Variants in SNX25 observed in about 807,000 individuals in gnomAD.
SNX25 encodes sorting nexin-25.
Under a neutral mutation model 113.7 loss-of-function variants are expected in SNX25, and 62 were observed. The observed-to-expected ratio is 0.55, with a 90% CI of 0.44 to 0.67. The LOEUF is 0.67. SNX25 is among the 30% of genes least tolerant of loss of function. The probability of loss-of-function intolerance (pLI) is 0.00; values close to 1 mark genes in which losing one functional copy is unlikely to be tolerated. For synonymous variants in SNX25, 421 were observed against 436.2 expected (o/e 0.97, Z 0.43); for missense variants, 1,014 against 1,161.0 (o/e 0.87, Z 1.84).
At chr4:185,249,925 C>T (rs556825397) in intron 2 of SNX25, among the ~76,000 whole-genome samples, 20 of 152,124 alleles carry the variant, frequency 1.3e-4, no homozygotes, top group Non-Finnish European at 2.4e-4. Flanking sequence ...TTCCAACATC[C>T]GGGCTATCTT....
intron 5 of SNX25, among the ~76,000 whole-genome samples, chr4:185,285,914 A>C (rs1052198570): frequency 6.6e-6 from 1 of 151,010 alleles, no homozygotes; most frequent in African/African-American, 2.4e-5. Flanking sequence ...CTGGTACTAC[A>C]GGTGTGCGCC....
intron 9 of SNX25, among the ~76,000 whole-genome samples, chr4:185,329,584 A>AT (rs2095179801): frequency 6.6e-6 from 1 of 152,182 alleles, no homozygotes; most frequent in Non-Finnish European, 1.5e-5. Flanking sequence ...GGGAAGGCAG[A>AT]TTTTACGAAT....
At chr4:185,350,708 G>A (rs990470281) in intron 13 of SNX25, among the ~76,000 whole-genome samples, 8 of 152,032 alleles carry the variant, frequency 5.3e-5, no homozygotes, top group Non-Finnish European at 1.0e-4. Context: ...CAAAAAATGC[G>A]AAAATTAGCC....
rs189566163 is a variant in SNX25, at chr4:185,212,638, C to T, written c.429+2383C>T. ...AGAATTATCGGCGTGAGCCACCGTG[C>T]CTGGCTGTGTGTGCTTTTTAAATGT... On this transcript the variant is annotated intron_variant, in intron 1 of 18. Coordinates refer to ENST00000652585, the MANE Select transcript of SNX25 (RefSeq NM_001378034.2). 2.0e-5 allele frequency among the ~76,000 whole-genome samples: 3 copies of T among 152,152 alleles called. No homozygotes were observed. In the East Asian group the frequency reaches 5.8e-4, roughly 29 times the overall value.
chr4:185,370,881 G>C, downstream of SNX25: 1 of 1,509,178 alleles, frequency 6.6e-7, no homozygotes, highest in Non-Finnish European at 9.2e-7. Context: ...AAAACGATGC[G>C]CCTAGAGACT....
chr4:185,367,261 A>G, downstream of SNX25: 6 of 1,607,342 alleles, frequency 3.7e-6, no homozygotes, highest in Non-Finnish European at 5.1e-6. Flanking sequence ...AATCAAAAAG[A>G]GTCAGATATT....
At chr4:185,240,936 T>C (rs1158731535) in intron 1 of SNX25, among the ~76,000 whole-genome samples, 2 of 144,488 alleles carry the variant, frequency 1.4e-5, no homozygotes, top group East Asian at 2.1e-4. Context: ...CTGGCAGAGA[T>C]GCTTCTCACT....
At chr4:185,253,141 G>C (rs888278708) in intron 2 of SNX25, among the ~76,000 whole-genome samples, 1 of 152,104 alleles carries the variant, frequency 6.6e-6, no homozygotes, top group Non-Finnish European at 1.5e-5. Flanking sequence ...ATTTTCACTA[G>C]CCTGCCCTAA....
intron 12 of SNX25, among the ~76,000 whole-genome samples, chr4:185,344,506 G>T (rs2095275368): frequency 6.6e-6 from 1 of 152,168 alleles, no homozygotes. Context: ...GGGTAAATCA[G>T]TGTGCATAAA....
At position 185,324,409 on chromosome 4, in the gene SNX25, C is replaced by T. The variant is rs144949129; in HGVS notation, c.1749+609C>T. On this transcript the variant is annotated intron_variant, in intron 9 of 18. Transcript: ENST00000652585. ...CCTGAGAGGGGCTTCTGGCCGATTT[C>T]AGTCAGGAGCACTCTCTCTTACAGA... is the stretch of plus-strand genomic sequence containing the variant. Among the ~76,000 whole-genome samples the T allele has an allele frequency of 3.9e-3, 598 of 152,316 alleles. 1 individual carries two copies. The highest frequency in any genetic ancestry group is 0.013 in the African/African-American group (531 of 41,552).
At chr4:185,300,840 G>GACACACACACACACACACACACACAC (rs58762122) in intron 6 of SNX25, among the ~76,000 whole-genome samples, 161 of 140,774 alleles carry the variant, frequency 1.1e-3, no homozygotes, top group Admixed American at 7.0e-3. Context: ...TGATTATTAT[G>GACACACACACACACACACACACACAC]ACACACACAC....
At chr4:185,352,970 A>G (rs1356579418) in intron 14 of SNX25, 1 of 153,434 alleles carries the variant, frequency 6.5e-6, no homozygotes, top group Non-Finnish European at 1.4e-5. Flanking sequence ...CATTTGCATT[A>G]TCCTGTTGCC....
chr4:185,355,879 T>C (rs1318108534), intron 15 of SNX25, among the ~76,000 whole-genome samples: 1 of 152,212 alleles, frequency 6.6e-6, no homozygotes, highest in African/African-American at 2.4e-5. Context: ...TTTTTGTCTT[T>C]GCTATTGGTA....
At chr4:185,311,844 C>T (rs867179538) in intron 7 of SNX25, among the ~76,000 whole-genome samples, 16 of 152,182 alleles carry the variant, frequency 1.1e-4, no homozygotes, top group African/African-American at 2.2e-4. Context: ...CCCCAGCATA[C>T]GCCAGGGTTC....
intron 5 of SNX25, among the ~76,000 whole-genome samples, chr4:185,276,610 G>T (rs1298919532): frequency 6.6e-6 from 1 of 152,162 alleles, no homozygotes; most frequent in Non-Finnish European, 1.5e-5. Context: ...TGGGGCGGGA[G>T]GATGGCTTGA....
In SNX25 at chr4:185,278,032, T is replaced by A. The variant is rs1322578265; in HGVS notation, c.1092-9980T>A. On this transcript the variant is annotated intron_variant, in intron 5 of 18. Coordinates refer to ENST00000652585, the MANE Select transcript of SNX25 (RefSeq NM_001378034.2). ...CAGGCGTGAGCCACCGCGCCCGGCC[T>A]TATTACCTTTTAAAAAATAAAATTT... 1.3e-5 allele frequency among the ~76,000 whole-genome samples: 2 copies of A among 152,004 alleles called. 1 individual carries two copies. The highest frequency in any genetic ancestry group is 3.9e-4 in the East Asian group (2 of 5,178).
At position 185,224,528 on chromosome 4, in the gene SNX25, CATAT is replaced by C. The variant is rs1018148305; in HGVS notation, c.429+14279_429+14282del. Among the ~76,000 whole-genome samples the C allele has an allele frequency of 3.4e-4, 35 of 103,442 alleles. No homozygotes were observed. The South Asian group carries it at 8.6e-3, about 25-fold the overall frequency. 67.9% of individuals were successfully genotyped at this position (103,442 alleles called of 152,430 possible). On this transcript the variant is annotated intron_variant, in intron 1 of 18. Transcript: ENST00000652585. ...ATATATAGATATATAAATATATATA[CATAT>C]ATATAAATATATATACATATATATA... is the stretch of plus-strand genomic sequence containing the variant.
At chr4:185,300,324 AT>A (rs557323613) in intron 6 of SNX25, among the ~76,000 whole-genome samples, 1,658 of 135,132 alleles carry the variant, frequency 0.012, 14 homozygotes, top group African/African-American at 0.033. Flanking sequence ...ACACCCAGCT[AT>A]TTTTTTTTTT....
chr4:185,311,059 C>T (rs1398355907), intron 7 of SNX25, among the ~76,000 whole-genome samples: 1 of 151,952 alleles, frequency 6.6e-6, no homozygotes, highest in Non-Finnish European at 1.5e-5. Context: ...GGATATTTTT[C>T]CATCTTCCCT....
Sources: gnomAD v4.1 joint callset for allele counts (sites outside exome capture counted in the v4.1 genomes callset) on GRCh38, gnomAD v4.1.1 for gene constraint, MANE v1.5 for transcripts, NCBI Gene and HGNC (gene_info 2026-07-23, HGNC 2026-07-21) for gene names.